The following PCDHA1 variants were observed in gnomAD, a reference collection of about 807,000 sequenced individuals.
PCDHA1 encodes the protein protocadherin alpha 1, also known as protocadherin alpha-1.
In PCDHA1, 42 loss-of-function variants were observed where a neutral mutation model predicts 61.3. The ratio of observed to expected loss-of-function variants is 0.69; its 90% CI spans 0.54 to 0.89. The LOEUF is 0.89. PCDHA1 is among the 40% of genes least tolerant of loss of function. PCDHA1 has a pLI of 0.00. For synonymous variants in PCDHA1, 610 were observed against 553.8 expected (o/e 1.10, Z -1.43); for missense variants, 1,256 against 1,235.3 (o/e 1.02, Z -0.25).
chr5:140,927,127 G>C (rs1202029150), intron 1 of PCDHA1: 1 of 1,613,964 alleles, frequency 6.2e-7, no homozygotes, highest in Non-Finnish European at 8.5e-7. Context: ...GGTGGTCAGA[G>C]AGCCGGCGGA....
At chr5:140,870,436 G>A (rs782478068) in intron 1 of PCDHA1, 7 of 1,614,128 alleles carry the variant, frequency 4.3e-6, no homozygotes, top group Non-Finnish European at 5.9e-6. Context: ...CGTGGAGGTG[G>A]CCGACGTGAA....
In PCDHA1 at chr5:140,786,605, C is replaced by T; in HGVS notation, c.315C>T (p.His105=). Residue 105 remains histidine (H), a synonymous_variant, in exon 1 of 4, where the codon CAC becomes CAT. Transcript: ENST00000504120. ...AGTGGAGCGCGGAGTGCAGCATCCA[C>T]CTGGAGTTGATCGCCGACAGGCCGC... ...LCQWSAECSI[H]LELIADRPLQ... 6.2e-7 allele frequency: 1 copy of T among 1,614,246 alleles called. No homozygotes were observed. The highest frequency in any genetic ancestry group is 8.5e-7 in the Non-Finnish European group (1 of 1,180,044).
rs782251225 is a variant in PCDHA1 at position 140,801,822 on chromosome 5, T to TA, written c.2394+13139dup. ...AAATCGAGAGGACACTCCTAAGCATTATTTACTAATAACAGCAATTGATGG... is the reference window on the plus strand; with the variant it reads ...AAATCGAGAGGACACTCCTAAGCATTAATTTACTAATAACAGCAATTGATGG... On this transcript the variant is annotated intron_variant, in intron 1 of 3. Coordinates refer to ENST00000504120, the MANE Select transcript of PCDHA1 (RefSeq NM_018900.4). The TA allele has an allele frequency of 9.9e-6, 16 of 1,614,032 alleles. No homozygotes were observed. In the East Asian group the frequency reaches 3.6e-4, roughly 36 times the overall value.
intron 1 of PCDHA1, chr5:140,796,992 C>G: frequency 6.2e-7 from 1 of 1,613,724 alleles, no homozygotes. Context: ...GCCAGGCACC[C>G]AAGGCCTCGT....
At chr5:140,794,498 C>A (rs1346517885) in intron 1 of PCDHA1, among the ~76,000 whole-genome samples, 1 of 152,066 alleles carries the variant, frequency 6.6e-6, no homozygotes, top group Non-Finnish European at 1.5e-5. Flanking sequence ...CGGTGAAAAG[C>A]GGAGTTGTTG....
Position 141,010,653 on chromosome 5 carries a change from A to G in PCDHA1, c.*716A>G. On this transcript the variant is annotated 3_prime_UTR_variant, in exon 4 of 4. Transcript: ENST00000504120. ...TGCAAGCCAACAGTTCAGTGTTTTA[A>G]CAGAGAACCACCCTGGGAAACAGAA... 5.9e-6 allele frequency: 1 copy of G among 170,180 alleles called. No individual in the cohort carries two copies. The highest frequency in any genetic ancestry group is 1.3e-5 in the Non-Finnish European group (1 of 78,244). 10.5% of individuals were successfully genotyped at this position (170,180 alleles called of 1,614,324 possible). A position where few individuals can be genotyped will look rare whatever the true frequency, so the allele number is the denominator to read the frequency against.
Position 140,858,600 on chromosome 5 carries a change from T to A in PCDHA1, c.2394+69916T>A, listed in dbSNP as rs1554151852. The stretch of plus-strand genomic sequence containing the variant: ...GTAATATAATTTATTCCAGGAGTTT[T>A]AAAATTTTTTTATCCTACCCAGTGT... On this transcript the variant is annotated intron_variant, in intron 1 of 3. Coordinates refer to ENST00000504120, the MANE Select transcript of PCDHA1 (RefSeq NM_018900.4). 7.0e-6 allele frequency: 9 copies of A among 1,293,864 alleles called. 2 individuals are homozygous for A. The highest frequency in any genetic ancestry group is 3.0e-5 in the African/African-American group (2 of 67,188). The allele number at this position is 1,293,864 out of a possible 1,614,324, so 80.1% of individuals were successfully genotyped here.
At chr5:140,906,253 A>ACCTC (rs1329710908) in intron 1 of PCDHA1, among the ~76,000 whole-genome samples, 2 of 152,064 alleles carry the variant, frequency 1.3e-5, no homozygotes, top group African/African-American at 4.8e-5. Flanking sequence ...ACCCATACAC[A>ACCTC]CCTCCTGAAA....
intron 1 of PCDHA1, chr5:140,797,349 A>G: frequency 6.2e-7 from 1 of 1,613,848 alleles, no homozygotes; most frequent in Middle Eastern, 1.6e-4. Flanking sequence ...AATACGTAGG[A>G]AAGGTGAGTC....
In PCDHA1 at chr5:140,836,794, C is replaced by G. The variant is rs2150270032; in HGVS notation, c.2394+48110C>G. 3.6e-6 allele frequency: 5 copies of G among 1,396,752 alleles called. 1 individual carries two copies. The East Asian group carries it at 9.2e-5, about 26-fold the overall frequency. The allele number at this position is 1,396,752 out of a possible 1,614,324, so 86.5% of individuals were successfully genotyped here. ...TTTTAAAACAATTAGTTCAATTGGT[C>G]TCCTTAAATTTTCTTTCATAATTTC... is the stretch of plus-strand genomic sequence containing the variant. On this transcript the variant is annotated intron_variant, in intron 1 of 3. Coordinates refer to ENST00000504120, the MANE Select transcript of PCDHA1 (RefSeq NM_018900.4).
chr5:140,947,772 G>A (rs77655739), intron 1 of PCDHA1, among the ~76,000 whole-genome samples: 3,551 of 151,528 alleles, frequency 0.023, 49 homozygotes, highest in Middle Eastern at 0.034. Flanking sequence ...AAATTCTATT[G>A]TAAATGGATT....
At chr5:140,824,558 C>T in intron 1 of PCDHA1, 1 of 175,812 alleles carries the variant, frequency 5.7e-6, no homozygotes, top group Non-Finnish European at 1.2e-5. Context: ...CTCAAGTGAT[C>T]CTCCTATCTC....
chr5:140,834,265 T>G lies in PCDHA1; in HGVS notation c.2394+45581T>G, dbSNP rs2150214692. 46 of 1,021,472 alleles carry G rather than the reference T, an allele frequency of 4.5e-5. No individual in the cohort carries two copies. The South Asian group carries it at 6.6e-4, about 15-fold the overall frequency. The allele number at this position is 1,021,472 out of a possible 1,614,324, so 63.3% of individuals were successfully genotyped here. On this transcript the variant is annotated intron_variant, in intron 1 of 3. Coordinates refer to ENST00000504120, the MANE Select transcript of PCDHA1 (RefSeq NM_018900.4). ...CGCACTGGAAAGACGCTCCACTCTC[T>G]TTCACTCTTTGGATGCACAACAATG...
chr5:140,790,544 G>T (rs536318394), intron 1 of PCDHA1, among the ~76,000 whole-genome samples: 1 of 152,254 alleles, frequency 6.6e-6, no homozygotes, highest in East Asian at 1.9e-4. Context: ...CAGCCTTTTG[G>T]CAAGAATCAG....
intron 1 of PCDHA1, chr5:140,882,664 A>AT (rs782651285): frequency 6.2e-7 from 1 of 1,614,046 alleles, no homozygotes; most frequent in Admixed American, 1.7e-5. Flanking sequence ...ACCCGCCCAT[A>AT]TTCCCTGAAA....
chr5:140,919,954 T>G (rs1159524037), intron 1 of PCDHA1, among the ~76,000 whole-genome samples: 2 of 149,936 alleles, frequency 1.3e-5, no homozygotes, highest in East Asian at 4.0e-4. Context: ...AAAAGTTTGT[T>G]TTGTTTTTTA....
At chr5:140,822,835 C>A (rs1767446565) in intron 1 of PCDHA1, 1 of 1,614,198 alleles carries the variant, frequency 6.2e-7, no homozygotes, top group Non-Finnish European at 8.5e-7. Flanking sequence ...CATAACCACC[C>A]TTTTCCTGCC....
At chr5:140,876,154 A>T (rs781957040) in intron 1 of PCDHA1, 4 of 1,613,972 alleles carry the variant, frequency 2.5e-6, no homozygotes, top group Non-Finnish European at 2.5e-6. Context: ...GTCTGTCCAG[A>T]TTCAAATAAC....
chr5:140,940,164 AT>A (rs1407801775), intron 1 of PCDHA1, among the ~76,000 whole-genome samples: 1 of 152,170 alleles, frequency 6.6e-6, no homozygotes, highest in African/African-American at 2.4e-5. Flanking sequence ...TTTGCCTGAA[AT>A]GTCATTCTTG....
Sources: allele counts gnomAD v4.1 joint callset (sites outside exome capture counted in the v4.1 genomes callset), GRCh38; gene constraint gnomAD v4.1.1; transcripts MANE v1.5; gene names NCBI Gene and HGNC (gene_info 2026-07-23, HGNC 2026-07-21).